Variants in PDE4D observed in about 807,000 individuals in gnomAD.
PDE4D encodes the protein 3',5'-cyclic-AMP phosphodiesterase 4D.
PDE4D carries 24 observed loss-of-function variants against 87.4 expected under a neutral mutation model. That is an observed-to-expected ratio of 0.27 (90% CI 0.20 to 0.39). The LOEUF is 0.39. PDE4D is among the 10% of genes least tolerant of loss of function. PDE4D has a pLI of 1.00. For missense variants in PDE4D, 714 were observed against 1,041.0 expected (o/e 0.69, Z 4.32); for synonymous variants, 384 against 383.2 (o/e 1.00, Z -0.02).
chr5:60,065,506 A>G (rs1388486177), intron 2 of PDE4D, among the ~76,000 whole-genome samples: 1 of 151,990 alleles, frequency 6.6e-6, no homozygotes, highest in Non-Finnish European at 1.5e-5. Context: ...TTACATATGT[A>G]TACATGTGCC....
At chr5:59,652,905 G>A (rs1054023305) in intron 1 of PDE4D, among the ~76,000 whole-genome samples, 2 of 151,872 alleles carry the variant, frequency 1.3e-5, no homozygotes, top group Admixed American at 1.3e-4. Flanking sequence ...TAGTAAGCCA[G>A]TGATTCTCTC....
intron 1 of PDE4D, among the ~76,000 whole-genome samples, chr5:59,889,072 CAA>C (rs1390179522): frequency 6.6e-6 from 1 of 151,312 alleles, no homozygotes; most frequent in Non-Finnish European, 1.5e-5. Flanking sequence ...ACTAAAAATA[CAA>C]AAAATTAGTC....
At chr5:59,203,101 T>C (rs1361553133) in intron 2 of PDE4D, among the ~76,000 whole-genome samples, 4 of 152,070 alleles carry the variant, frequency 2.6e-5, no homozygotes, top group Non-Finnish European at 5.9e-5. Flanking sequence ...CCCAGCACCT[T>C]AGGAGGCTGA....
intron 1 of PDE4D, among the ~76,000 whole-genome samples, chr5:59,871,211 G>GATT (rs1747771107): frequency 6.6e-6 from 1 of 152,164 alleles, no homozygotes; most frequent in Non-Finnish European, 1.5e-5. Flanking sequence ...CTAAGCAAGT[G>GATT]ATTAGCTCTC....
At chr5:59,782,734 T>A (rs1764754524) in intron 1 of PDE4D, among the ~76,000 whole-genome samples, 1 of 152,204 alleles carries the variant, frequency 6.6e-6, no homozygotes, top group Non-Finnish European at 1.5e-5. Context: ...AGTAATACAG[T>A]TTATGCATTC....
chr5:60,337,388 T>TACACACACACACACACACACACACAC (rs370108536), intron 1 of PDE4D, among the ~76,000 whole-genome samples: 2 of 89,478 alleles, frequency 2.2e-5, no homozygotes, highest in African/African-American at 8.5e-5. Context: ...TATATATATA[T>TACACACACACACACACACACACACAC]ACACACACAC....
intron 1 of PDE4D, among the ~76,000 whole-genome samples, chr5:59,223,983 T>G (rs1753121541): frequency 6.6e-6 from 1 of 151,818 alleles, no homozygotes; most frequent in Non-Finnish European, 1.5e-5. Flanking sequence ...TCACAGATGA[T>G]TTTTATAAAC....
chr5:59,643,233 C>G (rs956063833), intron 1 of PDE4D, among the ~76,000 whole-genome samples: 2 of 152,104 alleles, frequency 1.3e-5, no homozygotes, highest in Non-Finnish European at 2.9e-5. Flanking sequence ...ACTGCCTGAC[C>G]TGAAAGTCTC....
chr5:59,515,264 T>C (rs963784395), intron 1 of PDE4D, among the ~76,000 whole-genome samples: 5 of 152,232 alleles, frequency 3.3e-5, no homozygotes, highest in Non-Finnish European at 5.9e-5. Context: ...TCCATTTCTA[T>C]TTAACAGTCT....
intron 3 of PDE4D, among the ~76,000 whole-genome samples, chr5:59,909,911 A>C (rs1411103343): frequency 6.6e-6 from 1 of 152,192 alleles, no homozygotes; most frequent in African/African-American, 2.4e-5. Context: ...ACTACTTCTG[A>C]AATTTCCTAA....
chr5:59,156,588 A>G (rs1372815185), intron 5 of PDE4D, among the ~76,000 whole-genome samples: 1 of 151,806 alleles, frequency 6.6e-6, no homozygotes, highest in Non-Finnish European at 1.5e-5. Flanking sequence ...TAGAAATGTT[A>G]AAAAAATTAT....
At chr5:60,518,686 C>T (rs144409828) in intron 1 of PDE4D, among the ~76,000 whole-genome samples, 1 of 152,130 alleles carries the variant, frequency 6.6e-6, no homozygotes, top group African/African-American at 2.4e-5. Context: ...GTGGAAATGC[C>T]TGGTGTTATT....
intron 1 of PDE4D, among the ~76,000 whole-genome samples, chr5:59,701,874 C>T (rs909395235): frequency 6.6e-6 from 1 of 152,178 alleles, no homozygotes; most frequent in African/African-American, 2.4e-5. Flanking sequence ...TGAGGCCCAG[C>T]AGAAGGTAAA....
At position 58,990,831 on chromosome 5, in the gene PDE4D, C is replaced by T; in HGVS notation, c.1260G>A (p.Leu420=). 1 of 1,599,112 alleles carries T rather than the reference C, an allele frequency of 6.3e-7. No individual in the cohort carries two copies. Among genetic ancestry groups the T allele is most frequent in the Non-Finnish European group, 8.5e-7 (1 of 1,171,286 alleles). The change falls in exon 9 of 15, where the codon TTG becomes TTA. Residue 420 remains leucine, a synonymous_variant. Coordinates refer to ENST00000340635, the MANE Select transcript of PDE4D (RefSeq NM_001104631.2). ...RIAELSGNRP[L]TVIMHTIFQE... ...GAAAAATGGTGTGCATGATAACAGT[C>T]AAGGGCCGGTTACCAGACAACTCTG...
chr5:59,968,172 C>T (rs191879094), intron 3 of PDE4D, among the ~76,000 whole-genome samples: 26 of 151,806 alleles, frequency 1.7e-4, no homozygotes, highest in Admixed American at 4.6e-4. Context: ...TTAGTAGAGA[C>T]GGGGTTTCTC....
At chr5:59,501,919 C>T (rs1016738613) in intron 1 of PDE4D, among the ~76,000 whole-genome samples, 3 of 152,108 alleles carry the variant, frequency 2.0e-5, no homozygotes, top group African/African-American at 7.2e-5. Context: ...CCTGAAGATG[C>T]ATGAGAATGT....
intron 1 of PDE4D, among the ~76,000 whole-genome samples, chr5:60,242,343 G>C (rs537138513): frequency 1.2e-4 from 18 of 152,140 alleles, no homozygotes; most frequent in South Asian, 6.2e-4. Context: ...TATTATTAGA[G>C]ATAAAGAAAC....
At chr5:59,202,320 A>G (rs1226811026) in intron 2 of PDE4D, among the ~76,000 whole-genome samples, 2 of 152,140 alleles carry the variant, frequency 1.3e-5, no homozygotes, top group East Asian at 1.9e-4. Flanking sequence ...GATTACAGGC[A>G]TGATCCACAG....
intron 1 of PDE4D, among the ~76,000 whole-genome samples, chr5:60,308,516 G>A (rs552194263): frequency 3.3e-5 from 5 of 152,070 alleles, no homozygotes; most frequent in Non-Finnish European, 5.9e-5. Flanking sequence ...TTTGGTAATT[G>A]GTGGCAAAAC....
Sources: allele counts gnomAD v4.1 joint callset (sites outside exome capture counted in the v4.1 genomes callset), GRCh38; gene constraint gnomAD v4.1.1; transcripts MANE v1.5; gene names NCBI Gene and HGNC (gene_info 2026-07-23, HGNC 2026-07-21).